Variants in PTPRM observed in about 807,000 individuals in gnomAD.
The protein encoded by PTPRM is receptor-type tyrosine-protein phosphatase mu.
In PTPRM, 47 loss-of-function variants were observed where a neutral mutation model predicts 186.7. The ratio of observed to expected loss-of-function variants is 0.25; its 90% CI spans 0.20 to 0.32. The LOEUF is 0.32. PTPRM is among the 10% of genes least tolerant of loss of function. The pLI is 1.00. For synonymous variants in PTPRM, 668 were observed against 674.9 expected, an observed-to-expected ratio of 0.99 and a Z score of 0.16; for missense variants, 1,494 against 1,865.0, an observed-to-expected ratio of 0.80 and a Z score of 3.66.
intron 4 of PTPRM, 65 bp from the exon 5 acceptor site, chr18:7,926,503 G>A: frequency 7.9e-7 from 1 of 1,273,366 alleles, no homozygotes; most frequent in East Asian, 2.5e-5. Context: ...CAGATAGATT[G>A]AAGAAGACAT....
chr18:8,123,972 A>C lies in PTPRM; in HGVS notation c.2167+9145A>C, dbSNP rs535137742. 5.9e-5 allele frequency among the ~76,000 whole-genome samples: 9 copies of C among 152,328 alleles called. 1 individual carries two copies. The highest frequency in any genetic ancestry group is 2.2e-4 in the African/African-American group (9 of 41,586). On this transcript the variant is annotated intron_variant, in intron 13 of 32. Transcript: ENST00000580170. ...CAGATGAAGCATGCTGTTTACTAGG[A>C]ATGAAGTAAGCGAGGCTTCTGAATA...
At position 8,244,017 on chromosome 18, in the gene PTPRM, G is replaced by A. The variant is rs371113521; in HGVS notation, c.2301-41G>A. The A allele has an allele frequency of 4.6e-4, 727 of 1,579,074 alleles. 2 individuals carry two copies. The highest frequency in any genetic ancestry group is 8.4e-4 in the Middle Eastern group (5 of 5,946). On this transcript the variant is annotated intron_variant, in intron 14 of 32. Transcript: ENST00000580170. ...TATACATGCCAAAGCTCTGTATCCC[G>A]TTCAAATGCATGCCTACATAATTGA...
At chr18:8,371,506 G>T (rs1256124387) in intron 24 of PTPRM, among the ~76,000 whole-genome samples, 1 of 152,136 alleles carries the variant, frequency 6.6e-6, no homozygotes, top group African/African-American at 2.4e-5. Context: ...TTTCCAGGTG[G>T]AAGTGACCTA....
At chr18:7,669,246 A>G (rs1015698415) in intron 1 of PTPRM, among the ~76,000 whole-genome samples, 4 of 152,236 alleles carry the variant, frequency 2.6e-5, no homozygotes, top group Admixed American at 2.0e-4. Flanking sequence ...CACCGAATCC[A>G]TTCCTCCATT....
intron 22 of PTPRM, among the ~76,000 whole-genome samples, chr18:8,329,836 T>C (rs1285431890): frequency 1.3e-5 from 2 of 152,190 alleles, no homozygotes; most frequent in Non-Finnish European, 2.9e-5. Flanking sequence ...TCTCACTCTG[T>C]CACCCAGGCA....
chr18:8,402,562 G>A (rs193082527), intron 32 of PTPRM, among the ~76,000 whole-genome samples: 198 of 152,252 alleles, frequency 1.3e-3, no homozygotes, highest in Non-Finnish European at 2.4e-3. Flanking sequence ...GCACAATTAG[G>A]CTTGTATAAA....
intron 14 of PTPRM, among the ~76,000 whole-genome samples, chr18:8,239,686 T>A (rs1053985143): frequency 6.6e-6 from 1 of 152,178 alleles, no homozygotes; most frequent in African/African-American, 2.4e-5. Flanking sequence ...GGGGCAGTGG[T>A]TTGCCCTGTA....
chr18:8,114,509 A>ACTTTACCT, intron 12 of PTPRM, among the ~76,000 whole-genome samples: 1 of 152,074 alleles, frequency 6.6e-6, no homozygotes, highest in Non-Finnish European at 1.5e-5. Context: ...CTGGTCCTTT[A>ACTTTACCT]CTTTACCTCC....
intron 2 of PTPRM, among the ~76,000 whole-genome samples, chr18:7,868,970 G>A (rs376570189): frequency 7.9e-5 from 12 of 152,304 alleles, no homozygotes; most frequent in African/African-American, 2.4e-4. Flanking sequence ...CACCCCGTTC[G>A]AACTTCCCAG....
intron 13 of PTPRM, among the ~76,000 whole-genome samples, chr18:8,128,772 G>A (rs2092433528): frequency 6.6e-6 from 1 of 151,998 alleles, no homozygotes; most frequent in Admixed American, 6.6e-5. Context: ...TCTCTATATT[G>A]CACTGAAATA....
chr18:7,902,488 TC>T (rs35915551), intron 3 of PTPRM, among the ~76,000 whole-genome samples: 1 of 152,208 alleles, frequency 6.6e-6, no homozygotes, highest in Non-Finnish European at 1.5e-5. Context: ...TGGCACAGGT[TC>T]CCTGGCTTGT....
chr18:8,008,574 G>A (rs1600037976), intron 7 of PTPRM, among the ~76,000 whole-genome samples: 1 of 152,188 alleles, frequency 6.6e-6, no homozygotes, highest in East Asian at 1.9e-4. Context: ...TACTTTGGGT[G>A]ATGTAGGGTT....
chr18:8,050,425 A>G (rs2148257673), intron 7 of PTPRM, among the ~76,000 whole-genome samples: 1 of 152,176 alleles, frequency 6.6e-6, no homozygotes, highest in South Asian at 2.1e-4. Context: ...GAGAAAATGT[A>G]GTTTAAGTAT....
intron 1 of PTPRM, among the ~76,000 whole-genome samples, chr18:7,762,582 G>C (rs930998431): frequency 6.6e-6 from 1 of 152,146 alleles, no homozygotes; most frequent in Non-Finnish European, 1.5e-5. Context: ...GTTTTAAGTA[G>C]GGAGAGAGCA....
rs1430914219 is a variant in PTPRM at position 8,385,649 on chromosome 18, TG to T, written c.4044+965del. On this transcript the variant is annotated intron_variant, in intron 30 of 32. Transcript: ENST00000580170. ...GCTGATGGGGAGTGAGCAGTTCACC[TG>T]GAAGGACAGTGGCTTGGGGGCCCCG... Among the ~76,000 whole-genome samples, 3 of 152,196 alleles carry T rather than the reference TG, an allele frequency of 2.0e-5. No individual in the cohort carries two copies. The East Asian group carries it at 5.8e-4, about 29-fold the overall frequency.
In PTPRM at chr18:8,023,831, G is replaced by GACACACACACAC. The variant is rs71354587; in HGVS notation, c.1133-45826_1133-45815dup. On this transcript the variant is annotated intron_variant, in intron 7 of 32. Coordinates refer to ENST00000580170, the MANE Select transcript of PTPRM (RefSeq NM_001105244.2). Reference sequence around the variant, plus strand: ...CAATTTAAATGGTAAATTATCAGAAGACACACACACACACACACACACACA... The same window carrying GACACACACACAC: ...CAATTTAAATGGTAAATTATCAGAAGACACACACACACACACACACACACACACACACACACA... 1.7e-3 allele frequency among the ~76,000 whole-genome samples: 184 copies of GACACACACACAC among 110,274 alleles called. 1 individual carries two copies. Among genetic ancestry groups the GACACACACACAC allele is most frequent in the African/African-American group, 5.5e-3 (178 of 32,468 alleles). The allele number at this position is 110,274 out of a possible 152,430, so 72.3% of individuals were successfully genotyped here. A position where few individuals can be genotyped will look rare whatever the true frequency, so the allele number is the denominator to read the frequency against.
chr18:7,627,341 GCAGC>G (rs2038085738), intron 1 of PTPRM, among the ~76,000 whole-genome samples: 1 of 152,206 alleles, frequency 6.6e-6, no homozygotes, highest in Non-Finnish European at 1.5e-5. Context: ...GTTTAGTCCA[GCAGC>G]CAGGCGGGGA....
rs757988261 is a variant in PTPRM, at chr18:8,088,775, G to C, written c.1780G>C (p.Glu594Gln). 3 of 1,612,892 alleles carry C rather than the reference G, an allele frequency of 1.9e-6. No homozygotes were observed. Among genetic ancestry groups the C allele is most frequent in the Non-Finnish European group, 8.5e-7 (1 of 1,179,218 alleles). The change falls in exon 11 of 33, where the codon GAG (glutamate) becomes CAG (glutamine). Residue 594 changes from glutamate to glutamine, a missense_variant. Around this residue, in one of 3 missense-constraint regions of PTPRM, gnomAD observed 1,107 missense variants for 1,350.2 expected, o/e 0.82. Coordinates refer to ENST00000580170, the MANE Select transcript of PTPRM (RefSeq NM_001105244.2). ...ACCCTCTATGCCAGCTTATGAACTT[G>C]AGACACCTTTGAATCAAACTGACAA... is the stretch of plus-strand genomic sequence containing the variant. ...SAPSMPAYEL[E>Q]TPLNQTDNTV...
intron 13 of PTPRM, among the ~76,000 whole-genome samples, chr18:8,124,229 G>A: frequency 6.6e-6 from 1 of 152,154 alleles, no homozygotes; most frequent in East Asian, 1.9e-4. Flanking sequence ...TCAAAAACCA[G>A]TAAAAAACTA....
Sources: allele counts gnomAD v4.1 joint callset (sites outside exome capture counted in the v4.1 genomes callset), GRCh38; gene constraint gnomAD v4.1.1; regional missense constraint gnomAD v4.1.1; transcripts MANE v1.5; gene names NCBI Gene and HGNC (gene_info 2026-07-23, HGNC 2026-07-21).